DSE: variants seen among roughly 807,000 people sequenced by gnomAD.
DSE encodes dermatan sulfate epimerase.
Under a neutral mutation model 84.4 loss-of-function variants are expected in DSE, and 36 were observed. The ratio of observed to expected loss-of-function variants is 0.43; its 90% CI spans 0.33 to 0.56. The LOEUF (loss-of-function observed/expected upper bound fraction) is 0.56. Ranked by LOEUF, DSE falls within the 20% of genes least tolerant of loss-of-function variation. DSE has a pLI of 0.06. For missense variants in DSE, 862 were observed against 1,169.6 expected, an observed-to-expected ratio of 0.74 and a Z score of 3.84; for synonymous variants, 410 against 430.1, an observed-to-expected ratio of 0.95 and a Z score of 0.58.
intron 2 of DSE, among the ~76,000 whole-genome samples, chr6:116,424,299 T>C (rs1295650843): frequency 6.6e-6 from 1 of 152,218 alleles, no homozygotes; most frequent in African/African-American, 2.4e-5. Context: ...CACACTCTCA[T>C]AGTCTGTTTA....
Position 116,433,404 on chromosome 6 carries a change from C to T in DSE, c.972C>T (p.Ser324=). 6.4e-7 allele frequency: 1 copy of T among 1,551,650 alleles called. No individual in the cohort carries two copies. Among genetic ancestry groups the T allele is most frequent in the South Asian group, 1.2e-5 (1 of 84,054 alleles). Reference sequence around the variant, plus strand: ...ACAACTGGTTTTATGGTCCAGAAAGCCAATTAGTGTTCCTTGATAAATTTG... The same window carrying T: ...ACAACTGGTTTTATGGTCCAGAAAGTCAATTAGTGTTCCTTGATAAATTTG... ...SNYNWFYGPE[S]QLVFLDKFVM... The change falls in exon 5 of 6, where the codon AGC becomes AGT. Residue 324 remains serine (S), a synonymous_variant. Coordinates refer to ENST00000644252, the MANE Select transcript of DSE (RefSeq NM_013352.4).
chr6:116,280,587 A>C (rs1773464802), intron 2 of DSE, among the ~76,000 whole-genome samples: 1 of 152,256 alleles, frequency 6.6e-6, no homozygotes, highest in Non-Finnish European at 1.5e-5. Flanking sequence ...TTCCAGCCCC[A>C]AGAACTTAAT....
At chr6:116,348,165 C>G (rs565535771) in intron 2 of DSE, among the ~76,000 whole-genome samples, 1 of 152,144 alleles carries the variant, frequency 6.6e-6, no homozygotes, top group East Asian at 1.9e-4. Context: ...CGGTGGCTCA[C>G]GCCTGTAATC....
At chr6:116,370,374 G>A (rs1779448807), upstream of DSE, 1 of 775,616 alleles carries the variant, frequency 1.3e-6, no homozygotes, top group African/African-American at 1.9e-5. Flanking sequence ...CTCTATAGGT[G>A]ACCCCCGCCC....
intron 2 of DSE, among the ~76,000 whole-genome samples, chr6:116,267,041 G>A (rs1772656175): frequency 6.6e-6 from 1 of 152,100 alleles, no homozygotes; most frequent in Non-Finnish European, 1.5e-5. Context: ...ATGTATTGGT[G>A]GTAATGCTGG....
chr6:116,423,794 A>G (rs547725580), intron 2 of DSE, among the ~76,000 whole-genome samples: 2 of 152,304 alleles, frequency 1.3e-5, no homozygotes, highest in East Asian at 3.9e-4. Flanking sequence ...TTGGTGAAAG[A>G]TTTAGATAAC....
chr6:116,257,923 G>A (rs1210074297), intron 1 of DSE, among the ~76,000 whole-genome samples: 1 of 152,132 alleles, frequency 6.6e-6, no homozygotes. Flanking sequence ...CAATTGTTGA[G>A]GAAGTGCCCA....
At chr6:116,353,360 G>A (rs1454671302) in intron 2 of DSE, among the ~76,000 whole-genome samples, 1 of 152,130 alleles carries the variant, frequency 6.6e-6, no homozygotes, top group African/African-American at 2.4e-5. Flanking sequence ...AAAATTAAGG[G>A]ATATTTTCCT....
chr6:116,259,128 G>A (rs1352545139), intron 2 of DSE: 1 of 1,299,622 alleles, frequency 7.7e-7, no homozygotes. Context: ...TGAGAACACA[G>A]CCTGAGTGTC....
At chr6:116,386,793 G>T (rs1311170559) in intron 1 of DSE, among the ~76,000 whole-genome samples, 1 of 152,200 alleles carries the variant, frequency 6.6e-6, no homozygotes, top group African/African-American at 2.4e-5. Context: ...CTGGTAAAGG[G>T]CCAGTCCTGA....
rs1220909463 is a variant in DSE, at chr6:116,443,491, CTG to C, written c.*6147_*6148del. The C allele has an allele frequency of 2.0e-5, 3 of 152,100 alleles. No individual in the cohort carries two copies. Among genetic ancestry groups the C allele is most frequent in the Non-Finnish European group, 4.4e-5 (3 of 68,020 alleles). 9.4% of individuals were successfully genotyped at this position (152,100 alleles called of 1,614,324 possible). ...TAGTGGCGGGTGATAGAAAATTAGA[CTG>C]GAAAAGTAGACCAGGCTCCAGGGCA... On this transcript the variant is annotated 3_prime_UTR_variant, in exon 6 of 6. Transcript: ENST00000644252.
intron 2 of DSE, among the ~76,000 whole-genome samples, chr6:116,421,463 A>ATATATATATATATTTTTT (rs1357496121): frequency 1.6e-4 from 10 of 61,344 alleles, no homozygotes; most frequent in Admixed American, 2.4e-4. Flanking sequence ...ATATATATAT[A>ATATATATATATATTTTTT]TTTTTTTTTT....
exon 2 of DSE, chr6:116,258,961 C>T (rs1309705632): frequency 6.7e-7 from 1 of 1,500,756 alleles, no homozygotes; most frequent in Admixed American, 1.7e-5. Flanking sequence ...CCACCCTGCA[C>T]TGTGAGGTAG....
chr6:116,278,356 A>T, intron 2 of DSE: 1 of 852,844 alleles, frequency 1.2e-6, no homozygotes, highest in Non-Finnish European at 1.9e-6. Context: ...CCACCGTCTC[A>T]ATCTTGAGGT....
intron 1 of DSE, among the ~76,000 whole-genome samples, chr6:116,384,433 G>A (rs1780446973): frequency 6.6e-6 from 1 of 152,176 alleles, no homozygotes; most frequent in African/African-American, 2.4e-5. Context: ...GCGAAAGTTG[G>A]GGGTAAAGCA....
intron 1 of DSE, among the ~76,000 whole-genome samples, chr6:116,373,360 C>T (rs1247024956): frequency 6.6e-6 from 1 of 152,188 alleles, no homozygotes; most frequent in Non-Finnish European, 1.5e-5. Flanking sequence ...AAGACTCCAT[C>T]TGAAAAGAAA....
At chr6:116,362,699 G>A (rs1778973035) in intron 2 of DSE, among the ~76,000 whole-genome samples, 1 of 152,282 alleles carries the variant, frequency 6.6e-6, no homozygotes, top group East Asian at 1.9e-4. Flanking sequence ...GCTGACTAAT[G>A]AATCAGTGAT....
At chr6:116,367,985 T>G (rs1779258780), upstream of DSE, among the ~76,000 whole-genome samples, 1 of 152,224 alleles carries the variant, frequency 6.6e-6, no homozygotes, top group South Asian at 2.1e-4. Context: ...AAATGACATC[T>G]GGATACTTAG....
chr6:116,285,744 G>C (rs1243076076), intron 2 of DSE, among the ~76,000 whole-genome samples: 1 of 152,184 alleles, frequency 6.6e-6, no homozygotes, highest in East Asian at 1.9e-4. Flanking sequence ...CATATGGCTA[G>C]CCAGTTTTCC....
Sources: allele counts gnomAD v4.1 joint callset (sites outside exome capture counted in the v4.1 genomes callset), GRCh38; gene constraint gnomAD v4.1.1; transcripts MANE v1.5; gene names NCBI Gene and HGNC (gene_info 2026-07-23, HGNC 2026-07-21).